ALMS1: variants seen among roughly 807,000 people sequenced by gnomAD.
ALMS1 encodes centrosome-associated protein ALMS1.
In ALMS1, 271 loss-of-function variants were observed where a neutral mutation model predicts 352.2. The ratio of observed to expected loss-of-function variants is 0.77; its 90% CI spans 0.70 to 0.85. The LOEUF (loss-of-function observed/expected upper bound fraction) is 0.85. Among genes scored for constraint, ALMS1 ranks in the 40% least tolerant of loss-of-function variants. The pLI, the probability that ALMS1 is intolerant of heterozygous loss-of-function variation, is 0.00. For synonymous variants in ALMS1, 1,865 were observed against 1,761.2 expected, an observed-to-expected ratio of 1.06 and a Z score of -1.48; for missense variants, 5,445 against 4,870.7, an observed-to-expected ratio of 1.12 and a Z score of -3.51.
rs143411806 is a variant in ALMS1, at chr2:73,508,793, G to A, written c.9540-10982G>A. On this transcript the variant is annotated intron_variant, in intron 10 of 22. Transcript: ENST00000613296. ...AATATCCTTGTTAATTTTCTGTCTC[G>A]TTGATTTGTCTAATATTGACAATGG... is the stretch of plus-strand genomic sequence containing the variant. 4.3e-3 allele frequency among the ~76,000 whole-genome samples: 655 copies of A among 152,166 alleles called. 6 individuals are homozygous for A. Among genetic ancestry groups the A allele is most frequent in the African/African-American group, 0.015 (608 of 41,506 alleles).
intron 10 of ALMS1, among the ~76,000 whole-genome samples, chr2:73,502,480 G>C (rs1377350015): frequency 1.3e-5 from 2 of 152,024 alleles, no homozygotes; most frequent in Non-Finnish European, 2.9e-5. Flanking sequence ...ATCTTGCCCT[G>C]TTCCCTATTC....
intron 4 of ALMS1, among the ~76,000 whole-genome samples, chr2:73,423,810 C>T (rs945144172): frequency 1.3e-5 from 2 of 151,464 alleles, no homozygotes; most frequent in African/African-American, 2.4e-5. Context: ...TGGAGTCTTG[C>T]TCTGTTGCCC....
chr2:73,577,954 T>C (rs1041468506), intron 16 of ALMS1, among the ~76,000 whole-genome samples: 2 of 152,196 alleles, frequency 1.3e-5, no homozygotes, highest in African/African-American at 4.8e-5. Flanking sequence ...CCAGTTTTTC[T>C]ATGGCTATCA....
At position 73,559,166 on chromosome 2, in the gene ALMS1, A is replaced by AGT. The variant is rs773169863; in HGVS notation, c.10384+33_10384+34dup. The AGT allele has an allele frequency of 1.4e-5, 23 of 1,606,876 alleles. No homozygotes were observed. In the African/African-American group the frequency reaches 2.9e-4, roughly 21 times the overall value. ...AGGTAATGGGATTGGGTTGTGTATG[A>AGT]GTGTGTGTGTCTTTGTGTGTATGTG... is the stretch of plus-strand genomic sequence containing the variant. On this transcript the variant is annotated intron_variant, in intron 15 of 22. Coordinates refer to ENST00000613296, the MANE Select transcript of ALMS1 (RefSeq NM_001378454.1).
chr2:73,455,732 T>C (rs1672046130), intron 9 of ALMS1, among the ~76,000 whole-genome samples: 1 of 152,234 alleles, frequency 6.6e-6, no homozygotes. Flanking sequence ...AGTTAAGATA[T>C]AAGTATTAGA....
At chr2:73,576,312 T>A (rs1675052709) in intron 16 of ALMS1, among the ~76,000 whole-genome samples, 1 of 152,206 alleles carries the variant, frequency 6.6e-6, no homozygotes, top group Non-Finnish European at 1.5e-5. Context: ...TGAGATTTCA[T>A]GAATTTTAGT....
intron 1 of ALMS1, among the ~76,000 whole-genome samples, chr2:73,391,037 C>T (rs1670634556): frequency 6.6e-6 from 1 of 152,006 alleles, no homozygotes; most frequent in Non-Finnish European, 1.5e-5. Context: ...TCCCAAAGTG[C>T]TGGCATTACA....
rs1572938980 is a variant in ALMS1 at position 73,454,000 on chromosome 2, C to T, written c.7473C>T (p.Ser2491=). The change falls in exon 8 of 23, where the codon TCC becomes TCT. Residue 2491 remains serine, a synonymous_variant. Coordinates refer to ENST00000613296, the MANE Select transcript of ALMS1 (RefSeq NM_001378454.1). ...TGAAAAACCTTCTGCAATGTGAATCCTCACTGAATCATGCTAAAGAAATAC... is the reference window on the plus strand; with the variant it reads ...TGAAAAACCTTCTGCAATGTGAATCTTCACTGAATCATGCTAAAGAAATAC... The part of the protein sequence containing the change: ...AHVKNLLQCE[S]SLNHAKEILR... The T allele has an allele frequency of 2.5e-6, 4 of 1,613,718 alleles. No homozygotes were observed.
intron 8 of ALMS1, chr2:73,454,358 T>A: frequency 2.0e-6 from 2 of 985,382 alleles, no homozygotes; most frequent in African/African-American, 3.5e-5. Context: ...TAGATTCTGA[T>A]GTATGACAGA....
chr2:73,591,250 T>G (rs1480525474), intron 16 of ALMS1, among the ~76,000 whole-genome samples: 1 of 152,256 alleles, frequency 6.6e-6, no homozygotes, highest in African/African-American at 2.4e-5. Context: ...CCTGCTTTAC[T>G]TTTGATACTT....
chr2:73,424,821 G>A lies in ALMS1; in HGVS notation c.1156G>A (p.Asp386Asn), dbSNP rs1671348572. Residue 386 changes from aspartate to asparagine, a missense_variant, in exon 5 of 23, where the codon GAC becomes AAC. By Grantham distance (23) the Asp-to-Asn change is conservative (BLOSUM62 1). Transcript: ENST00000613296. ...TGAAAACATAGCTACTAAAAGAAGT[G>A]ACCATTTTGATGCTGCTCGTTCATA... The part of the protein sequence containing the change: ...TDENIATKRS[D>N]HFDAARSYGQ... The A allele has an allele frequency of 2.5e-6, 4 of 1,609,482 alleles. No individual in the cohort carries two copies. Among genetic ancestry groups the A allele is most frequent in the Non-Finnish European group, 3.4e-6 (4 of 1,176,966 alleles).
In ALMS1 at chr2:73,479,402, G is replaced by A. The variant is rs114093264; in HGVS notation, c.7675-10232G>A. The stretch of plus-strand genomic sequence containing the variant: ...TGCCCCACCTTTTACTGAGCTCCTG[G>A]CAACCACTAATTTGTTCCTTTGTTT... On this transcript the variant is annotated intron_variant, in intron 9 of 22. Transcript: ENST00000613296. Among the ~76,000 whole-genome samples the A allele has an allele frequency of 2.0e-4, 31 of 152,154 alleles. 1 individual carries two copies. In the Middle Eastern group the frequency reaches 0.014, roughly 67 times the overall value.
intron 11 of ALMS1, among the ~76,000 whole-genome samples, chr2:73,527,520 A>AT (rs1258585375): frequency 1.3e-5 from 2 of 151,592 alleles, no homozygotes; most frequent in African/African-American, 2.4e-5. Flanking sequence ...GAATTTGTCC[A>AT]TTTTTTTCTA....
At chr2:73,583,686 T>C (rs768099379) in intron 16 of ALMS1, among the ~76,000 whole-genome samples, 5 of 152,212 alleles carry the variant, frequency 3.3e-5, no homozygotes, top group Non-Finnish European at 5.9e-5. Flanking sequence ...AGGGTCCAAT[T>C]TCATTCTTTT....
chr2:73,465,187 C>A (rs969412608), intron 9 of ALMS1, among the ~76,000 whole-genome samples: 1 of 152,110 alleles, frequency 6.6e-6, no homozygotes, highest in African/African-American at 2.4e-5. Context: ...CAAGTCAATC[C>A]TAAGCCAAAA....
chr2:73,512,702 A>G (rs1673477329), intron 10 of ALMS1, among the ~76,000 whole-genome samples: 1 of 152,182 alleles, frequency 6.6e-6, no homozygotes, highest in Admixed American at 6.5e-5. Context: ...TGATGCTCAA[A>G]ATACAGATTT....
intron 15 of ALMS1, among the ~76,000 whole-genome samples, chr2:73,559,451 CAACCTT>C (rs1674612400): frequency 6.6e-6 from 1 of 152,024 alleles, no homozygotes; most frequent in Non-Finnish European, 1.5e-5. Flanking sequence ...TCCCCAGAGA[CAACCTT>C]AAAGGCCTTC....
intron 2 of ALMS1, among the ~76,000 whole-genome samples, chr2:73,417,901 T>G (rs1233091269): frequency 6.6e-6 from 1 of 152,196 alleles, no homozygotes; most frequent in Non-Finnish European, 1.5e-5. Flanking sequence ...GCATTGTTAT[T>G]TAGTGTGATC....
intron 1 of ALMS1, among the ~76,000 whole-genome samples, chr2:73,397,771 C>T (rs1469982435): frequency 6.6e-6 from 1 of 152,064 alleles, no homozygotes; most frequent in African/African-American, 2.4e-5. Context: ...TTTAAACAGA[C>T]TTTATCTTTT....
Sources: gnomAD v4.1 joint callset for allele counts (sites outside exome capture counted in the v4.1 genomes callset) on GRCh38, gnomAD v4.1.1 for gene constraint, MANE v1.5 for transcripts, NCBI Gene and HGNC (gene_info 2026-07-23, HGNC 2026-07-21) for gene names.